DLGAP2: variants seen among roughly 807,000 people sequenced by gnomAD.
The protein encoded by DLGAP2 is disks large-associated protein 2.
Under a neutral mutation model 100.3 loss-of-function variants are expected in DLGAP2, and 26 were observed. The ratio of observed to expected loss-of-function variants is 0.26; its 90% CI spans 0.19 to 0.36. DLGAP2 has a LOEUF of 0.36. Among genes scored for constraint, DLGAP2 ranks in the 10% least tolerant of loss-of-function variants. DLGAP2 has a pLI of 1.00. For synonymous variants in DLGAP2, 886 were observed against 630.1 expected (o/e 1.41, Z -6.08); for missense variants, 1,858 against 1,453.2 (o/e 1.28, Z -4.53).
chr8:1,285,391 C>G (rs987694319), intron 3 of DLGAP2, among the ~76,000 whole-genome samples: 1 of 152,088 alleles, frequency 6.6e-6, no homozygotes, highest in East Asian at 1.9e-4. Context: ...AAGACACTAA[C>G]AAATGAAAAT....
intron 12 of DLGAP2, among the ~76,000 whole-genome samples, chr8:1,683,099 A>G (rs908600998): frequency 3.3e-5 from 5 of 151,622 alleles, no homozygotes; most frequent in African/African-American, 9.7e-5. Context: ...CTAACTGATT[A>G]CCTAACAGTG....
intron 2 of DLGAP2, among the ~76,000 whole-genome samples, chr8:1,008,535 C>G (rs932302397): frequency 6.6e-6 from 1 of 152,244 alleles, no homozygotes; most frequent in Non-Finnish European, 1.5e-5. Flanking sequence ...TTTCCGATGG[C>G]TGTTCCTGAA....
At position 1,549,203 on chromosome 8, in the gene DLGAP2, C is replaced by T; in HGVS notation, c.750C>T (p.Ser250=). 5.0e-6 allele frequency: 8 copies of T among 1,601,650 alleles called. No individual in the cohort carries two copies. The highest frequency in any genetic ancestry group is 3.3e-4 in the Middle Eastern group (2 of 6,056). The change falls in exon 5 of 15, where the codon TCC becomes TCT. Residue 250 remains serine (S), a synonymous_variant. Transcript: ENST00000637795. The part of the protein sequence containing the change: ...FTKSHSLEGS[S]KSNANGTKAD... ...AGTCGCACTCGCTGGAGGGCTCCTCCAAAAGCAACGCCAACGGCACCAAGG... is the reference window on the plus strand; with the variant it reads ...AGTCGCACTCGCTGGAGGGCTCCTCTAAAAGCAACGCCAACGGCACCAAGG...
At chr8:738,200 A>T (rs1030180111) in intron 1 of DLGAP2, 25 of 164,406 alleles carry the variant, frequency 1.5e-4, no homozygotes, top group Non-Finnish European at 2.8e-4. Flanking sequence ...CTACGCGCCT[A>T]GCTCCGGTGG....
intron 2 of DLGAP2, among the ~76,000 whole-genome samples, chr8:925,104 C>T (rs748951356): frequency 3.3e-5 from 5 of 151,740 alleles, no homozygotes; most frequent in Admixed American, 6.6e-5. Flanking sequence ...AGTGTAGGTG[C>T]GCGTGGGTGA....
At chr8:1,554,006 G>A (rs993424533) in intron 5 of DLGAP2, among the ~76,000 whole-genome samples, 1 of 152,172 alleles carries the variant, frequency 6.6e-6, no homozygotes, top group African/African-American at 2.4e-5. Flanking sequence ...CTTGTCACAG[G>A]GCCAGGCACG....
intron 3 of DLGAP2, among the ~76,000 whole-genome samples, chr8:1,309,115 C>T (rs568622845): frequency 1.3e-5 from 2 of 151,778 alleles, no homozygotes; most frequent in South Asian, 2.1e-4. Flanking sequence ...GGAACATCAT[C>T]GGGCTGATCA....
chr8:859,482 T>C (rs1797348514), intron 1 of DLGAP2, among the ~76,000 whole-genome samples: 2 of 152,162 alleles, frequency 1.3e-5, no homozygotes, highest in South Asian at 2.1e-4. Context: ...GCCTGAGAGC[T>C]GGTTAGCGGC....
At chr8:1,011,521 A>G (rs1416957906) in intron 2 of DLGAP2, among the ~76,000 whole-genome samples, 93 of 132,796 alleles carry the variant, frequency 7.0e-4, no homozygotes, top group African/African-American at 2.4e-3. Context: ...CTGCACAGTG[A>G]GCCCTGGAAT....
At chr8:1,277,747 A>G (rs1799732990) in intron 3 of DLGAP2, among the ~76,000 whole-genome samples, 1 of 152,114 alleles carries the variant, frequency 6.6e-6, no homozygotes, top group African/African-American at 2.4e-5. Context: ...CACGTCAGGG[A>G]GCACCCCCAC....
chr8:1,692,505 G>T (rs181697106), intron 13 of DLGAP2, among the ~76,000 whole-genome samples: 2 of 152,148 alleles, frequency 1.3e-5, no homozygotes, highest in Non-Finnish European at 2.9e-5. Context: ...AGGCTGCAAG[G>T]GGGAGTGGAG....
intron 2 of DLGAP2, among the ~76,000 whole-genome samples, chr8:1,102,054 T>C (rs1804603472): frequency 6.6e-6 from 1 of 151,948 alleles, no homozygotes; most frequent in East Asian, 1.9e-4. Context: ...GAACATTCAA[T>C]TCAGGAAATG....
intron 3 of DLGAP2, among the ~76,000 whole-genome samples, chr8:1,341,386 A>G (rs1801412859): frequency 1.3e-5 from 2 of 152,218 alleles, no homozygotes; most frequent in Admixed American, 1.3e-4. Flanking sequence ...TAATTTTATT[A>G]GATCTTACCC....
At chr8:1,306,795 G>A (rs898705696) in intron 3 of DLGAP2, among the ~76,000 whole-genome samples, 10 of 152,180 alleles carry the variant, frequency 6.6e-5, no homozygotes, top group African/African-American at 2.4e-4. Context: ...ATTCAATGGA[G>A]AAGGAACAGT....
At chr8:814,598 T>C (rs1796429260) in intron 1 of DLGAP2, among the ~76,000 whole-genome samples, 1 of 151,804 alleles carries the variant, frequency 6.6e-6, no homozygotes, top group African/African-American at 2.4e-5. Context: ...AGAAATACTA[T>C]GAACGTTGGG....
intron 3 of DLGAP2, among the ~76,000 whole-genome samples, chr8:1,442,357 G>C (rs570810581): frequency 6.7e-6 from 1 of 150,220 alleles, no homozygotes; most frequent in Admixed American, 6.6e-5. Flanking sequence ...GCATAGACCC[G>C]CCAAGCTGCT....
intron 5 of DLGAP2, among the ~76,000 whole-genome samples, chr8:1,556,175 G>C (rs913818861): frequency 6.6e-6 from 1 of 152,208 alleles, no homozygotes; most frequent in African/African-American, 2.4e-5. Context: ...GACGGCCACC[G>C]AGTGGTCACC....
intron 2 of DLGAP2, among the ~76,000 whole-genome samples, chr8:1,252,938 G>C (rs1799081608): frequency 6.6e-6 from 1 of 152,328 alleles, no homozygotes; most frequent in Middle Eastern, 3.4e-3. Flanking sequence ...GGACGGGGGA[G>C]GCAACAAATT....
chr8:1,571,376 G>A (rs1237422834), intron 6 of DLGAP2, among the ~76,000 whole-genome samples: 10 of 127,192 alleles, frequency 7.9e-5, no homozygotes, highest in African/African-American at 8.8e-5. Flanking sequence ...AGAGGAGAGA[G>A]GGGTGAACTG....
Sources: gnomAD v4.1 joint callset for allele counts (sites outside exome capture counted in the v4.1 genomes callset) on GRCh38, gnomAD v4.1.1 for gene constraint, MANE v1.5 for transcripts, NCBI Gene and HGNC (gene_info 2026-07-23, HGNC 2026-07-21) for gene names.